Variants in NRDE2 observed in about 807,000 individuals in gnomAD.
NRDE2 encodes NRDE-2, necessary for RNA interference, domain containing, also known as nuclear exosome regulator NRDE2.
In NRDE2, 76 loss-of-function variants were observed where a neutral mutation model predicts 124.2. That is an observed-to-expected ratio of 0.61 (90% CI 0.51 to 0.74). NRDE2 has a LOEUF of 0.74. Among genes scored for constraint, NRDE2 ranks in the 30% least tolerant of loss-of-function variants. The probability of loss-of-function intolerance (pLI) is 0.00; values close to 1 mark genes in which losing one functional copy is unlikely to be tolerated. For synonymous variants in NRDE2, 489 were observed against 528.1 expected, an observed-to-expected ratio of 0.93 and a Z score of 1.01; for missense variants, 1,314 against 1,417.3, an observed-to-expected ratio of 0.93 and a Z score of 1.17.
Position 90,316,728 on chromosome 14 carries a change from TTC to T in NRDE2, c.255_256del (p.Lys87GlufsTer9), listed in dbSNP as rs1296589595. 23 of 1,613,636 alleles carry T rather than the reference TTC, an allele frequency of 1.4e-5. No homozygotes were observed. The highest frequency in any genetic ancestry group is 1.9e-5 in the Non-Finnish European group (23 of 1,179,980). On this transcript the variant is annotated frameshift_variant, in exon 3 of 14. Coordinates refer to ENST00000354366, the MANE Select transcript of NRDE2 (RefSeq NM_017970.4). LOFTEE classifies it high-confidence loss of function. ...ATGCTGATGCTTCCTTTTTTTCTTT[TTC>T]TCTTTCTTCTTTTTTCTACTTGTTT...
Position 90,275,869 on chromosome 14 carries a change from A to G in NRDE2, c.*2467T>C, listed in dbSNP as rs899029839. 6.6e-6 allele frequency: 1 copy of G among 152,204 alleles called. No homozygotes were observed. The highest frequency in any genetic ancestry group is 1.9e-4 in the East Asian group (1 of 5,182). The allele number at this position is 152,204 out of a possible 1,614,324, so 9.4% of individuals were successfully genotyped here. On this transcript the variant is annotated 3_prime_UTR_variant, in exon 14 of 14. Coordinates refer to ENST00000354366, the MANE Select transcript of NRDE2 (RefSeq NM_017970.4). ...CAGCAAGCCTATCTTCACTTTTCCA[A>G]TGCAAAATGATATGTGTGCCTTACA...
chr14:90,287,122 G>A (rs1379949137), intron 11 of NRDE2, among the ~76,000 whole-genome samples: 3 of 138,590 alleles, frequency 2.2e-5, no homozygotes, highest in Admixed American at 7.5e-5. Flanking sequence ...AGGAAGAAAA[G>A]ACCTTTTGAT....
At position 90,288,885 on chromosome 14, in the gene NRDE2, C is replaced by T. The variant is rs1226581200; in HGVS notation, c.2490G>A (p.Leu830=). The T allele has an allele frequency of 1.2e-6, 2 of 1,614,194 alleles. No individual in the cohort carries two copies. The part of the protein sequence containing the change: ...LCELSLLYAE[L]EVELSPEVRR... ...TCACTTCTGGCGACAGCTCCACCTC[C>T]AGCTCAGCATAGAGCAGACTGAGCT... The change falls in exon 11 of 14, where the codon CTG becomes CTA. Residue 830 remains leucine (L), a synonymous_variant. Coordinates refer to ENST00000354366, the MANE Select transcript of NRDE2 (RefSeq NM_017970.4).
At chr14:90,331,370 G>A (rs1885690264) in intron 1 of NRDE2, among the ~76,000 whole-genome samples, 1 of 152,204 alleles carries the variant, frequency 6.6e-6, no homozygotes, top group Non-Finnish European at 1.5e-5. Context: ...GAGAGAAACT[G>A]ATTAGGTTTT....
At chr14:90,280,696 G>A (rs1456374946) in intron 12 of NRDE2, 1 of 152,220 alleles carries the variant, frequency 6.6e-6, no homozygotes, top group Non-Finnish European at 1.5e-5. Flanking sequence ...TTTGACCTCT[G>A]ACTGGCGCAG....
chr14:90,301,106 A>G (rs1471832394), intron 7 of NRDE2, 133 bp downstream of exon 7: 2 of 830,814 alleles, frequency 2.4e-6, no homozygotes, highest in Non-Finnish European at 3.9e-6. Flanking sequence ...GATATAAAGG[A>G]GGATATGATA....
chr14:90,314,613 G>A (rs1407226939), intron 3 of NRDE2, among the ~76,000 whole-genome samples: 1 of 152,144 alleles, frequency 6.6e-6, no homozygotes, highest in Non-Finnish European at 1.5e-5. Flanking sequence ...TATAAAAAAG[G>A]ACAAGTAGCT....
At chr14:90,287,142 A>C (rs1371391844) in intron 11 of NRDE2, among the ~76,000 whole-genome samples, 1 of 151,938 alleles carries the variant, frequency 6.6e-6, no homozygotes, top group Non-Finnish European at 1.5e-5. Flanking sequence ...TTTATAATAG[A>C]GAAAGCAAGG....
chr14:90,286,047 CTT>C (rs1395009490), intron 12 of NRDE2, among the ~76,000 whole-genome samples: 17 of 152,336 alleles, frequency 1.1e-4, no homozygotes, highest in African/African-American at 3.8e-4. Flanking sequence ...AAGTTACCGA[CTT>C]AAGTCAACTC....
At chr14:90,281,459 A>G (rs1434562899) in intron 12 of NRDE2, 1 of 152,202 alleles carries the variant, frequency 6.6e-6, no homozygotes. Context: ...CTGGGCCATA[A>G]TAATTCTCCC....
At chr14:90,321,968 C>G (rs1885263038) in intron 1 of NRDE2, among the ~76,000 whole-genome samples, 1 of 152,122 alleles carries the variant, frequency 6.6e-6, no homozygotes. Flanking sequence ...ACACCACCTC[C>G]TCCCCTATAG....
chr14:90,316,280 C>G (rs1288454040), intron 3 of NRDE2, among the ~76,000 whole-genome samples: 2 of 152,112 alleles, frequency 1.3e-5, no homozygotes, highest in African/African-American at 4.8e-5. Context: ...GAACCGTTAT[C>G]TATGTGATAA....
chr14:90,330,807 C>T (rs1232422558), intron 1 of NRDE2, among the ~76,000 whole-genome samples: 4 of 123,168 alleles, frequency 3.2e-5, no homozygotes, highest in Admixed American at 1.6e-4. Context: ...GACCCTGTCT[C>T]AAAAAAAAAA....
chr14:90,308,600 G>A (rs1157028917), intron 4 of NRDE2, among the ~76,000 whole-genome samples: 1 of 152,162 alleles, frequency 6.6e-6, no homozygotes, highest in Non-Finnish European at 1.5e-5. Context: ...GTCCTCACAT[G>A]ACAGTGCTGG....
At chr14:90,329,699 G>A (rs1378758254) in intron 1 of NRDE2, among the ~76,000 whole-genome samples, 1 of 151,218 alleles carries the variant, frequency 6.6e-6, no homozygotes, top group Non-Finnish European at 1.5e-5. Context: ...TTAGCCAGGT[G>A]TGGTGGTGCA....
At position 90,270,395 on chromosome 14, in the gene NRDE2, G is replaced by A. The variant is rs147214215; in HGVS notation, c.*7941C>T. The A allele has an allele frequency of 1.6e-5, 25 of 1,585,152 alleles. No individual in the cohort carries two copies. The highest frequency in any genetic ancestry group is 5.4e-5 in the African/African-American group (4 of 74,656). ...TCAGCTTATTTCTGGGAATGTGGCCGTCAATCAGGAAAGAGTCTATATGTG... is the reference window on the plus strand; with the variant it reads ...TCAGCTTATTTCTGGGAATGTGGCCATCAATCAGGAAAGAGTCTATATGTG... On this transcript the variant is annotated 3_prime_UTR_variant, in exon 14 of 14. Coordinates refer to ENST00000354366, the MANE Select transcript of NRDE2 (RefSeq NM_017970.4).
rs1891644230 is a variant in NRDE2, at chr14:90,270,928, G to C, written c.*7408C>G. On this transcript the variant is annotated 3_prime_UTR_variant, in exon 14 of 14. Coordinates refer to ENST00000354366, the MANE Select transcript of NRDE2 (RefSeq NM_017970.4). Reference sequence around the variant, plus strand: ...TAAATGCCATGGTTAGGTAGGGACAGCACAAGCAGTGCCTTTCCAGGCCAG... The same window carrying C: ...TAAATGCCATGGTTAGGTAGGGACACCACAAGCAGTGCCTTTCCAGGCCAG... 1 of 152,266 alleles carries C rather than the reference G, an allele frequency of 6.6e-6. No individual in the cohort carries two copies. Among genetic ancestry groups the C allele is most frequent in the Non-Finnish European group, 1.5e-5 (1 of 68,060 alleles). 9.4% of individuals were successfully genotyped at this position (152,266 alleles called of 1,614,324 possible).
chr14:90,286,561 C>G, intron 11 of NRDE2, 69 bp from the exon 12 acceptor site: 1 of 1,556,518 alleles, frequency 6.4e-7, no homozygotes, highest in Non-Finnish European at 8.7e-7. Context: ...GGAAGAGATG[C>G]CTGAGTGATG....
At chr14:90,292,558 G>A (rs1197216122) in intron 9 of NRDE2, 139 bp downstream of exon 9, 3 of 837,338 alleles carry the variant, frequency 3.6e-6, no homozygotes, top group Admixed American at 5.1e-5. Flanking sequence ...ATGAGAACAG[G>A]AGCAGGTTAG....
Sources: allele counts gnomAD v4.1 joint callset (sites outside exome capture counted in the v4.1 genomes callset), GRCh38; gene constraint gnomAD v4.1.1; transcripts MANE v1.5; gene names NCBI Gene and HGNC (gene_info 2026-07-23, HGNC 2026-07-21).